Variants in DNAJC8 observed in about 807,000 individuals in gnomAD.
The protein encoded by DNAJC8 is DnaJ heat shock protein family (Hsp40) member C8.
Under a neutral mutation model 43.2 loss-of-function variants are expected in DNAJC8, and 24 were observed. That is an observed-to-expected ratio of 0.56 (90% CI 0.40 to 0.78). DNAJC8 has a LOEUF of 0.78. Among genes scored for constraint, DNAJC8 ranks in the 30% least tolerant of loss-of-function variants. DNAJC8 has a pLI of 0.00. For missense variants in DNAJC8, 207 were observed against 299.4 expected (o/e 0.69, Z 2.28); for synonymous variants, 83 against 98.0 (o/e 0.85, Z 0.90).
At chr1:28,212,037 T>C (rs1646813913) in intron 3 of DNAJC8, among the ~76,000 whole-genome samples, 1 of 150,668 alleles carries the variant, frequency 6.6e-6, no homozygotes. Flanking sequence ...ACATCTATAA[T>C]ACCAGCTACT....
chr1:28,205,220 T>C lies in DNAJC8; in HGVS notation c.563+38A>G, dbSNP rs1646760603. ...AAAGACCAATGTTAGTTAATCTAGG[T>C]ATTTAAATATGGTTTAAATGAATAT... is the stretch of plus-strand genomic sequence containing the variant. On this transcript the variant is annotated intron_variant, in intron 7 of 8. Coordinates refer to ENST00000263697, the MANE Select transcript of DNAJC8 (RefSeq NM_014280.3). 7 of 1,420,930 alleles carry C rather than the reference T, an allele frequency of 4.9e-6. No homozygotes were observed. The East Asian group carries it at 1.4e-4, about 28-fold the overall frequency. 88.0% of individuals were successfully genotyped at this position (1,420,930 alleles called of 1,614,324 possible). A position where few individuals can be genotyped will look rare whatever the true frequency, so the allele number is the denominator to read the frequency against.
At chr1:28,208,619 T>C in intron 5 of DNAJC8, 1 of 358,014 alleles carries the variant, frequency 2.8e-6, no homozygotes, top group Non-Finnish European at 5.0e-6. Flanking sequence ...TTTTCTAATC[T>C]CATCTAAAAT....
chr1:28,212,168 AATATATATATATATATATATATAT>A (rs201782610), intron 3 of DNAJC8, among the ~76,000 whole-genome samples: 2,875 of 31,044 alleles, frequency 0.093, 252 homozygotes, highest in African/African-American at 0.24. Flanking sequence ...TAAATAAATA[AATATATATATATATATATATATAT>A]ATATATATAT....
rs1646973202 is a variant in DNAJC8, at chr1:28,231,365, A to G, written c.78+1556T>C. 2.6e-5 allele frequency among the ~76,000 whole-genome samples: 4 copies of G among 151,698 alleles called. No individual in the cohort carries two copies. The South Asian group carries it at 6.2e-4, about 24-fold the overall frequency. ...AAAATAAATAAATTAAATTAAATTA[A>G]CTCTCTTGTTTTTACAGATGTGGAA... On this transcript the variant is annotated intron_variant, in intron 1 of 8. Coordinates refer to ENST00000263697, the MANE Select transcript of DNAJC8 (RefSeq NM_014280.3).
intron 2 of DNAJC8, among the ~76,000 whole-genome samples, chr1:28,216,674 A>AT (rs1646857292): frequency 6.6e-6 from 1 of 151,698 alleles, no homozygotes; most frequent in Admixed American, 6.6e-5. Context: ...TATAAAGGAG[A>AT]TTTTGGGGAC....
chr1:28,201,950 A>G (rs1572058065), intron 8 of DNAJC8, among the ~76,000 whole-genome samples: 1 of 148,864 alleles, frequency 6.7e-6, no homozygotes. Flanking sequence ...TTAGCCGGGC[A>G]TGGTGGCGCA....
intron 3 of DNAJC8, among the ~76,000 whole-genome samples, chr1:28,213,469 T>A (rs956066222): frequency 6.6e-6 from 1 of 151,958 alleles, no homozygotes; most frequent in African/African-American, 2.4e-5. Flanking sequence ...CATCTTGGCT[T>A]AACTGTAGAT....
chr1:28,214,912 A>G, intron 3 of DNAJC8, 28 bp downstream of exon 3: 1 of 1,565,736 alleles, frequency 6.4e-7, no homozygotes, highest in Admixed American at 1.8e-5. Flanking sequence ...CATTTTCAAA[A>G]AGTTCAAACA....
At chr1:28,207,007 A>G (rs1440249101) in intron 6 of DNAJC8, among the ~76,000 whole-genome samples, 1 of 151,790 alleles carries the variant, frequency 6.6e-6, no homozygotes, top group East Asian at 1.9e-4. Flanking sequence ...GCGATTTTAT[A>G]TTTTTTATAT....
At chr1:28,220,949 A>C (rs76240609) in intron 2 of DNAJC8, among the ~76,000 whole-genome samples, 6,326 of 152,152 alleles carry the variant, frequency 0.042, 192 homozygotes, top group Middle Eastern at 0.085. Flanking sequence ...GGAGCTAATT[A>C]ATCATCACAC....
chr1:28,228,075 G>A (rs141811589), intron 2 of DNAJC8, among the ~76,000 whole-genome samples: 31 of 152,266 alleles, frequency 2.0e-4, no homozygotes, highest in African/African-American at 7.0e-4. Context: ...CCTAGGCTGG[G>A]CGCAGTGGCT....
intron 2 of DNAJC8, among the ~76,000 whole-genome samples, chr1:28,218,843 A>T (rs140501568): frequency 2.0e-5 from 3 of 152,268 alleles, no homozygotes; most frequent in Non-Finnish European, 2.9e-5. Flanking sequence ...AGGAATTGGG[A>T]AAGTCACTCA....
At chr1:28,204,351 C>T (rs557616854) in intron 7 of DNAJC8, among the ~76,000 whole-genome samples, 3 of 152,096 alleles carry the variant, frequency 2.0e-5, no homozygotes, top group Non-Finnish European at 2.9e-5. Flanking sequence ...GAGGCTGGGG[C>T]AGGTGGATCA....
chr1:28,201,184 T>G lies in DNAJC8; in HGVS notation c.*64A>C. Reference sequence around the variant, plus strand: ...TTGGGGTGGAAGTGGGAGGAAAGAATGAGTCCTTCGAAGCAGGAAGGGAGA... The same window carrying G: ...TTGGGGTGGAAGTGGGAGGAAAGAAGGAGTCCTTCGAAGCAGGAAGGGAGA... On this transcript the variant is annotated 3_prime_UTR_variant, in exon 9 of 9. Coordinates refer to ENST00000263697, the MANE Select transcript of DNAJC8 (RefSeq NM_014280.3). 2 of 1,603,030 alleles carry G rather than the reference T, an allele frequency of 1.2e-6. No individual in the cohort carries two copies. The highest frequency in any genetic ancestry group is 4.5e-5 in the East Asian group (2 of 44,808).
At chr1:28,232,287 T>C (rs1646981549) in intron 1 of DNAJC8, among the ~76,000 whole-genome samples, 1 of 152,210 alleles carries the variant, frequency 6.6e-6, no homozygotes, top group East Asian at 1.9e-4. Flanking sequence ...TTTATTTCAT[T>C]TATTCATTCA....
chr1:28,225,787 C>A (rs1024376401), intron 2 of DNAJC8, among the ~76,000 whole-genome samples: 1 of 149,704 alleles, frequency 6.7e-6, no homozygotes, highest in Admixed American at 6.7e-5. Flanking sequence ...ACTGCAACCT[C>A]CGCCTCCTGG....
At chr1:28,227,104 CTTTTTTTTTTTT>C (rs375175168) in intron 2 of DNAJC8, among the ~76,000 whole-genome samples, 3 of 95,144 alleles carry the variant, frequency 3.2e-5, no homozygotes, top group South Asian at 7.2e-4. Flanking sequence ...CTCTCTCTCT[CTTTTTTTTTTTT>C]TTTTTTTTTT....
At chr1:28,217,726 A>G (rs1212693786) in intron 2 of DNAJC8, among the ~76,000 whole-genome samples, 9 of 152,024 alleles carry the variant, frequency 5.9e-5, no homozygotes, top group Admixed American at 5.9e-4. Flanking sequence ...AATGAGAAAG[A>G]ACAGAAATTG....
rs1026501491 is a variant in DNAJC8, at chr1:28,208,491, A to G, written c.400-78T>C. 8 of 962,788 alleles carry G rather than the reference A, an allele frequency of 8.3e-6. No homozygotes were observed. In the African/African-American group the frequency reaches 1.4e-4, roughly 16 times the overall value. 59.6% of individuals were successfully genotyped at this position (962,788 alleles called of 1,614,324 possible). A position where few individuals can be genotyped will look rare whatever the true frequency, so the allele number is the denominator to read the frequency against. ...CCACTGGGCTGTACACATACAATAT[A>G]TTTAACTTTCTATAGGCACGGGTAT... On this transcript the variant is annotated intron_variant, in intron 5 of 8. Transcript: ENST00000263697.
Sources: allele counts gnomAD v4.1 joint callset (sites outside exome capture counted in the v4.1 genomes callset), GRCh38; gene constraint gnomAD v4.1.1; transcripts MANE v1.5; gene names NCBI Gene and HGNC (gene_info 2026-07-23, HGNC 2026-07-21).